The following CELF2 variants were observed in gnomAD, a reference collection of about 807,000 sequenced individuals.
The protein encoded by CELF2 is CUGBP Elav-like family member 2, also known as CUG triplet repeat RNA-binding protein 2.
A neutral mutation model predicts 62.6 loss-of-function variants in CELF2; 8 were observed. The ratio of observed to expected loss-of-function variants is 0.13; its 90% CI spans 0.07 to 0.23. The LOEUF is 0.23. CELF2 is among the 10% of genes least tolerant of loss of function. The probability of loss-of-function intolerance (pLI) is 1.00; values close to 1 mark genes in which losing one functional copy is unlikely to be tolerated. For synonymous variants in CELF2, 258 were observed against 250.0 expected, an observed-to-expected ratio of 1.03 and a Z score of -0.30; for missense variants, 333 against 671.0, an observed-to-expected ratio of 0.50 and a Z score of 5.56.
At chr10:10,909,462 C>T (rs182209459) in intron 1 of CELF2, among the ~76,000 whole-genome samples, 279 of 152,256 alleles carry the variant, frequency 1.8e-3, no homozygotes, top group African/African-American at 6.3e-3. Flanking sequence ...TTTCTGTGGC[C>T]GTCACAAAAC....
the CELF2 span, among the ~76,000 whole-genome samples, chr10:10,710,359 T>C: frequency 2.0e-5 from 3 of 152,330 alleles, no homozygotes; most frequent in Admixed American, 6.5e-5. Context: ...GGATAATTAG[T>C]GTCTAGGCAA....
intron 1 of CELF2, among the ~76,000 whole-genome samples, chr10:10,834,881 C>T (rs1459917720): frequency 6.6e-6 from 1 of 152,188 alleles, no homozygotes; most frequent in Non-Finnish European, 1.5e-5. Context: ...CCAGGCTCAC[C>T]TTTCTCAGTG....
intron 3 of CELF2, among the ~76,000 whole-genome samples, chr10:11,219,625 TGAG>T (rs1163533876): frequency 6.6e-6 from 1 of 152,176 alleles, no homozygotes; most frequent in African/African-American, 2.4e-5. Flanking sequence ...ATATGGTAAA[TGAG>T]GAGAGAGTTT....
chr10:10,773,361 G>A, the CELF2 span, among the ~76,000 whole-genome samples: 9 of 152,320 alleles, frequency 5.9e-5, no homozygotes, highest in Non-Finnish European at 2.9e-5. Flanking sequence ...TTTCAAACCC[G>A]AACACTTCAA....
chr10:11,032,210 C>G (rs1321031524), intron 1 of CELF2, among the ~76,000 whole-genome samples: 1 of 143,996 alleles, frequency 6.9e-6, no homozygotes, highest in Non-Finnish European at 1.5e-5. Flanking sequence ...TGGGCTCTTT[C>G]TTTGTCCTTA....
chr10:11,043,070 G>A (rs2062124539), intron 1 of CELF2, among the ~76,000 whole-genome samples: 1 of 152,170 alleles, frequency 6.6e-6, no homozygotes, highest in African/African-American at 2.4e-5. Flanking sequence ...AATAGTTTTT[G>A]AGGAAATGTC....
At chr10:10,478,127 A>G in the CELF2 span, among the ~76,000 whole-genome samples, 1 of 152,192 alleles carries the variant, frequency 6.6e-6, no homozygotes, top group East Asian at 1.9e-4. Flanking sequence ...CAGATTTGCT[A>G]TCTTTTGTCT....
chr10:10,879,548 G>A (rs528553706), intron 1 of CELF2, among the ~76,000 whole-genome samples: 8 of 152,320 alleles, frequency 5.3e-5, no homozygotes, highest in Admixed American at 5.2e-4. Context: ...AGAAAGTCCT[G>A]TGATTAAATC....
rs1564851300 is a variant in CELF2 at position 10,939,277 on chromosome 10, G to GT, written c.89+19279dup. ...AATTAGCAAGTTCTTTTGTTTTGTGGTGTTGTTGTTGTTGTTGTTGTTGTT... is the reference window on the plus strand; with the variant it reads ...AATTAGCAAGTTCTTTTGTTTTGTGGTTGTTGTTGTTGTTGTTGTTGTTGTT... On this transcript the variant is annotated intron_variant, in intron 2 of 13. Coordinates refer to the CELF2 transcript ENST00000636488. Among the ~76,000 whole-genome samples the GT allele has an allele frequency of 3.8e-4, 55 of 144,322 alleles. 2 individuals are homozygous for GT. Among genetic ancestry groups the GT allele is most frequent in the African/African-American group, 1.2e-3 (44 of 37,556 alleles). The allele number at this position is 144,322 out of a possible 152,430, so 94.7% of individuals were successfully genotyped here. A position where few individuals can be genotyped will look rare whatever the true frequency, so the allele number is the denominator to read the frequency against.
the CELF2 span, among the ~76,000 whole-genome samples, chr10:10,675,811 T>G: frequency 6.6e-6 from 1 of 152,196 alleles, no homozygotes; most frequent in Non-Finnish European, 1.5e-5. Context: ...GTCTTTCAGC[T>G]TCCTTCTTAG....
the CELF2 span, among the ~76,000 whole-genome samples, chr10:10,505,862 C>G: frequency 6.6e-6 from 1 of 152,182 alleles, no homozygotes; most frequent in African/African-American, 2.4e-5. Flanking sequence ...ATTGCTATTT[C>G]TGAATTGGCA....
Position 11,165,344 on chromosome 10 carries a change from A to G in CELF2, c.75-142A>G. The G allele has an allele frequency of 7.5e-6, 11 of 1,462,430 alleles. No homozygotes were observed. The highest frequency in any genetic ancestry group is 9.9e-6 in the Non-Finnish European group (11 of 1,112,064). The allele number at this position is 1,462,430 out of a possible 1,614,324, so 90.6% of individuals were successfully genotyped here. On this transcript the variant is annotated intron_variant, in intron 1 of 12. Coordinates refer to ENST00000633077, the MANE Select transcript of CELF2 (RefSeq NM_001326342.2). This position sits in a 1 kb window ranked among gnomAD's most constrained non-coding sequence, Gnocchi z 7.4. ...TGCCTCCGCTTTGTTTTAGTTCATC[A>G]AATTTCTACGACTCATTAGGCACTT...
chr10:10,954,440 A>T (rs768041642), intron 2 of CELF2, among the ~76,000 whole-genome samples: 2 of 151,848 alleles, frequency 1.3e-5, no homozygotes, highest in Non-Finnish European at 2.9e-5. Flanking sequence ...TAGAGGCAGG[A>T]TTTCACCATG....
At chr10:10,524,708 A>G in the CELF2 span, among the ~76,000 whole-genome samples, 1 of 152,172 alleles carries the variant, frequency 6.6e-6, no homozygotes, top group Non-Finnish European at 1.5e-5. Context: ...TCATAGCAGT[A>G]TTCAAATGAT....
chr10:10,669,218 C>A, the CELF2 span, among the ~76,000 whole-genome samples: 7 of 152,150 alleles, frequency 4.6e-5, no homozygotes, highest in Non-Finnish European at 1.0e-4. Flanking sequence ...CATTTCTATG[C>A]CTACAAAATA....
At chr10:10,637,252 C>T in the CELF2 span, among the ~76,000 whole-genome samples, 1 of 152,032 alleles carries the variant, frequency 6.6e-6, no homozygotes, top group Admixed American at 6.6e-5. Flanking sequence ...TTACTATGTC[C>T]CCCACAAAAC....
intron 11 of CELF2, among the ~76,000 whole-genome samples, chr10:11,322,534 A>G (rs1213797253): frequency 6.6e-6 from 1 of 151,972 alleles, no homozygotes; most frequent in African/African-American, 2.4e-5. Flanking sequence ...ACTAAGGGAG[A>G]TTTTTTGAAG....
chr10:10,646,050 G>A, the CELF2 span, among the ~76,000 whole-genome samples: 1 of 152,130 alleles, frequency 6.6e-6, no homozygotes, highest in Non-Finnish European at 1.5e-5. Flanking sequence ...AGAACTTGAC[G>A]TCTCATTCTC....
At chr10:11,021,526 GT>G (rs2058317804) in intron 1 of CELF2, among the ~76,000 whole-genome samples, 1 of 152,294 alleles carries the variant, frequency 6.6e-6, no homozygotes, top group South Asian at 2.1e-4. Context: ...GAGGGGCAGT[GT>G]GACGAGTCCA....
Sources: gnomAD v4.1 joint callset for allele counts (sites outside exome capture counted in the v4.1 genomes callset) on GRCh38, gnomAD v4.1.1 for gene constraint, Gnocchi (gnomAD v3.1) non-coding constraint, MANE v1.5 for transcripts, NCBI Gene and HGNC (gene_info 2026-07-23, HGNC 2026-07-21) for gene names.